LARS2: variants seen among roughly 807,000 people sequenced by gnomAD.
The protein encoded by LARS2 is leucyl-tRNA synthetase 2, mitochondrial.
In LARS2, 81 loss-of-function variants were observed where a neutral mutation model predicts 116.6. The observed-to-expected ratio is 0.69, with a 90% CI of 0.58 to 0.84. The LOEUF (loss-of-function observed/expected upper bound fraction) is 0.84. LARS2 is among the 40% of genes least tolerant of loss of function. LARS2 has a pLI of 0.00. For synonymous variants in LARS2, 396 were observed against 407.2 expected, an observed-to-expected ratio of 0.97 and a Z score of 0.33; for missense variants, 968 against 1,114.5, an observed-to-expected ratio of 0.87 and a Z score of 1.87.
intron 10 of LARS2, among the ~76,000 whole-genome samples, chr3:45,484,603 CAAAAAAAAAAAAAA>C (rs1156814528): frequency 6.8e-5 from 1 of 14,724 alleles, no homozygotes; most frequent in African/African-American, 1.8e-4. Context: ...CCTGTCTCTA[CAAAAAAAAAAAAAA>C]AAAAAAAAAA....
At chr3:45,469,506 C>T (rs1699485343) in intron 8 of LARS2, among the ~76,000 whole-genome samples, 3 of 152,062 alleles carry the variant, frequency 2.0e-5, no homozygotes, top group African/African-American at 7.2e-5. Flanking sequence ...CCACCATGCC[C>T]AGCTAATTTT....
intron 15 of LARS2, among the ~76,000 whole-genome samples, chr3:45,512,549 T>A (rs1435043431): frequency 6.6e-6 from 1 of 152,224 alleles, no homozygotes; most frequent in Non-Finnish European, 1.5e-5. Flanking sequence ...GGTAACTTTT[T>A]AAAAAGTGAG....
intron 20 of LARS2, 71 bp from the exon 21 acceptor site, chr3:45,541,758 G>A: frequency 1.3e-6 from 2 of 1,566,504 alleles, no homozygotes; most frequent in Non-Finnish European, 1.7e-6. Flanking sequence ...TGGGATGGAA[G>A]CTTTGGTCCT....
chr3:45,453,684 T>C (rs376731213), intron 7 of LARS2, among the ~76,000 whole-genome samples: 3 of 152,226 alleles, frequency 2.0e-5, no homozygotes, highest in African/African-American at 7.2e-5. Context: ...TGGAGCAAGA[T>C]TGATTTTGAG....
chr3:45,475,191 A>AG lies in LARS2; in HGVS notation c.858+842dup, dbSNP rs1699590841. ...CTTTAGGAGGAGGAAGCAGCAGCTG[A>AG]GACAAAGTTGGCCTTCCTTTCTAGA... On this transcript the variant is annotated intron_variant, in intron 9 of 21. Transcript: ENST00000645846. Among the ~76,000 whole-genome samples the AG allele has an allele frequency of 3.9e-5, 6 of 152,304 alleles. 1 individual carries two copies. The South Asian group carries it at 1.2e-3, about 32-fold the overall frequency.
intron 7 of LARS2, 35 bp from the exon 8 acceptor site, chr3:45,458,708 C>G: frequency 1.2e-6 from 2 of 1,611,268 alleles, no homozygotes; most frequent in South Asian, 2.2e-5. Flanking sequence ...AGAGTACTCA[C>G]CAGATTGTGC....
intron 13 of LARS2, among the ~76,000 whole-genome samples, chr3:45,492,822 G>A (rs1699946849): frequency 6.6e-6 from 1 of 152,210 alleles, no homozygotes; most frequent in Non-Finnish European, 1.5e-5. Context: ...CATCCTCCCA[G>A]GTCCTCACTG....
At chr3:45,441,943 G>A (rs1398155881) in intron 6 of LARS2, among the ~76,000 whole-genome samples, 1 of 152,136 alleles carries the variant, frequency 6.6e-6, no homozygotes, top group Non-Finnish European at 1.5e-5. Context: ...CAGCTTGGAG[G>A]AACAATTCTA....
intron 12 of LARS2, among the ~76,000 whole-genome samples, 173 bp downstream of exon 12, chr3:45,488,985 A>C (rs1699866344): frequency 6.6e-6 from 1 of 152,228 alleles, no homozygotes; most frequent in African/African-American, 2.4e-5. Context: ...GAAGTTTGCC[A>C]ATTGTAAATC....
chr3:45,468,965 C>G lies in LARS2; in HGVS notation c.751-5278C>G, dbSNP rs976625993. ...ATTCTATAAAGCACTTGGTTTGTCC[C>G]TCTCTTTCCCATAGCTCTGGGCTGT... On this transcript the variant is annotated intron_variant, in intron 8 of 21. Transcript: ENST00000645846. Among the ~76,000 whole-genome samples the G allele has an allele frequency of 2.6e-5, 4 of 152,170 alleles. No individual in the cohort carries two copies. The East Asian group carries it at 7.7e-4, about 29-fold the overall frequency.
At chr3:45,423,581 T>C (rs188158837) in intron 6 of LARS2, among the ~76,000 whole-genome samples, 6 of 152,290 alleles carry the variant, frequency 3.9e-5, no homozygotes, top group East Asian at 3.9e-4. Flanking sequence ...TTTACTGTTA[T>C]ATTGCAATTT....
At chr3:45,412,277 A>G (rs1268724337) in intron 4 of LARS2, among the ~76,000 whole-genome samples, 2 of 152,220 alleles carry the variant, frequency 1.3e-5, no homozygotes, top group Admixed American at 6.5e-5. Context: ...ACTAGCTTCC[A>G]CAATGGTTGA....
chr3:45,459,018 A>G, intron 8 of LARS2, 132 bp downstream of exon 8: 2 of 860,868 alleles, frequency 2.3e-6, no homozygotes, highest in South Asian at 3.2e-5. Flanking sequence ...GGATGTACAG[A>G]CAGGAAGCAG....
intron 7 of LARS2, among the ~76,000 whole-genome samples, chr3:45,448,696 G>A (rs1699061698): frequency 6.6e-6 from 1 of 152,230 alleles, no homozygotes; most frequent in South Asian, 2.1e-4. Context: ...AAAGGAATAG[G>A]TTGGGCTAGT....
chr3:45,400,352 C>T lies in LARS2; in HGVS notation c.342C>T (p.Phe114=). 6.2e-7 allele frequency: 1 copy of T among 1,611,082 alleles called. No homozygotes were observed. Residue 114 remains phenylalanine (F), a synonymous_variant, in exon 4 of 22, where the codon TTC becomes TTT. Transcript: ENST00000645846. ...VYTISDTIAR[F]QKMRGMQVIN... ...CCATCAGCGACACCATAGCACGGTT[C>T]CAGAAGATGAGAGGGATGCAGGTAA... is the stretch of plus-strand genomic sequence containing the variant.
Position 45,491,637 on chromosome 3 carries a change from T to C in LARS2, c.1360T>C (p.Tyr454His). 4.3e-6 allele frequency: 7 copies of C among 1,614,196 alleles called. No individual in the cohort carries two copies. The highest frequency in any genetic ancestry group is 5.9e-6 in the Non-Finnish European group (7 of 1,180,034). ...LKDWLISRQR[Y>H]WGTPIPIVHC... ...AGACTGGCTGATTTCACGGCAGCGG[T>C]ACTGGGGCACACCAATCCCCATTGT... is the stretch of plus-strand genomic sequence containing the variant. The change falls in exon 13 of 22, where the codon TAC becomes CAC. Residue 454 changes from tyrosine to histidine, a missense_variant. Physicochemically the swap from Tyr to His is moderately conservative, Grantham distance 83. Transcript: ENST00000645846.
At chr3:45,493,559 A>T (rs142277212) in intron 13 of LARS2, among the ~76,000 whole-genome samples, 1 of 152,220 alleles carries the variant, frequency 6.6e-6, no homozygotes, top group African/African-American at 2.4e-5. Flanking sequence ...ACCTCTCTGA[A>T]TCCTAGTTAC....
At chr3:45,514,857 A>G (rs1472502342) in intron 16 of LARS2, among the ~76,000 whole-genome samples, 2 of 152,244 alleles carry the variant, frequency 1.3e-5, no homozygotes, top group African/African-American at 4.8e-5. Context: ...CACAGCGTGG[A>G]TAAACATCTA....
chr3:45,388,884 C>G (rs966860954), intron 1 of LARS2: 2 of 152,252 alleles, frequency 1.3e-5, no homozygotes, highest in African/African-American at 4.8e-5. Flanking sequence ...ATTGATAGCT[C>G]TGGACTCTTT....
Sources: gnomAD v4.1 joint callset for allele counts (sites outside exome capture counted in the v4.1 genomes callset) on GRCh38, gnomAD v4.1.1 for gene constraint, MANE v1.5 for transcripts, NCBI Gene and HGNC (gene_info 2026-07-23, HGNC 2026-07-21) for gene names.